PIP5K1C: variants seen among roughly 807,000 people sequenced by gnomAD.
The protein encoded by PIP5K1C is phosphatidylinositol 4-phosphate 5-kinase type-1 gamma.
A neutral mutation model predicts 80.1 loss-of-function variants in PIP5K1C; 45 were observed. The observed-to-expected ratio is 0.56, with a 90% CI of 0.44 to 0.72. The LOEUF (loss-of-function observed/expected upper bound fraction) is 0.72, where lower values mean the gene tolerates loss of function less well. PIP5K1C is among the 30% of genes least tolerant of loss of function. PIP5K1C has a pLI of 0.00. For missense variants in PIP5K1C, 753 were observed against 954.6 expected, an observed-to-expected ratio of 0.79 and a Z score of 2.78; for synonymous variants, 498 against 420.1, an observed-to-expected ratio of 1.19 and a Z score of -2.27.
rs533474929 is a variant in PIP5K1C at position 3,686,421 on chromosome 19, A to G, written c.94+13876T>C. Reference sequence around the variant, plus strand: ...GGCGACAGAGTGAGACTCTGTCTCAAAAAAATAAAAATAAAGGCTGGGTGC... The same window carrying G: ...GGCGACAGAGTGAGACTCTGTCTCAGAAAAATAAAAATAAAGGCTGGGTGC... On this transcript the variant is annotated intron_variant, in intron 1 of 17. Transcript: ENST00000335312. 4.0e-5 allele frequency among the ~76,000 whole-genome samples: 6 copies of G among 151,872 alleles called. No homozygotes were observed. The South Asian group carries it at 1.2e-3, about 32-fold the overall frequency.
intron 15 of PIP5K1C, among the ~76,000 whole-genome samples, chr19:3,639,762 G>A (rs2033886617): frequency 6.6e-6 from 1 of 152,142 alleles, no homozygotes; most frequent in East Asian, 1.9e-4. Context: ...CTTACTACAT[G>A]CCAGGGCTGG....
intron 1 of PIP5K1C, among the ~76,000 whole-genome samples, chr19:3,683,458 C>T (rs992603583): frequency 2.0e-5 from 3 of 152,220 alleles, no homozygotes; most frequent in Non-Finnish European, 1.5e-5. Flanking sequence ...CAGAGACGAG[C>T]TAGCCCACCT....
chr19:3,662,083 T>G, intron 3 of PIP5K1C, 82 bp from the exon 4 acceptor site: 2 of 1,488,894 alleles, frequency 1.3e-6, no homozygotes, highest in Non-Finnish European at 1.8e-6. Context: ...GGGGTGGAGA[T>G]CGTGACCAGC....
chr19:3,694,246 G>T (rs1335630321), intron 1 of PIP5K1C, among the ~76,000 whole-genome samples: 1 of 151,972 alleles, frequency 6.6e-6, no homozygotes, highest in Non-Finnish European at 1.5e-5. Context: ...AAAACAAAGG[G>T]AAGTCACTTG....
intron 1 of PIP5K1C, among the ~76,000 whole-genome samples, chr19:3,673,031 C>T (rs1334779272): frequency 6.7e-6 from 1 of 149,576 alleles, no homozygotes; most frequent in African/African-American, 2.5e-5. Context: ...ACCCACCCCG[C>T]CCCCACCGCA....
intron 8 of PIP5K1C, among the ~76,000 whole-genome samples, chr19:3,651,494 G>A (rs530477576): frequency 9.8e-5 from 15 of 152,322 alleles, no homozygotes; most frequent in Non-Finnish European, 1.5e-4. Flanking sequence ...CTCTCTGCAC[G>A]GGTGGCGTGT....
At chr19:3,667,919 C>A (rs2035067210) in intron 1 of PIP5K1C, among the ~76,000 whole-genome samples, 1 of 152,158 alleles carries the variant, frequency 6.6e-6, no homozygotes, top group African/African-American at 2.4e-5. Flanking sequence ...GCAGGGAGCG[C>A]CCAGCACCTG....
chr19:3,671,073 G>A (rs1209197544), intron 1 of PIP5K1C, among the ~76,000 whole-genome samples: 2 of 152,212 alleles, frequency 1.3e-5, no homozygotes, highest in Admixed American at 1.3e-4. Context: ...AAAGAAGAGA[G>A]GGCAGGAAGC....
In PIP5K1C at chr19:3,660,272, C is replaced by CG. The variant is rs34020586; in HGVS notation, c.468+693dup. Among the ~76,000 whole-genome samples the CG allele has an allele frequency of 4.8e-3, 729 of 151,990 alleles. 30 individuals carry two copies. The East Asian group carries it at 0.092, about 19-fold the overall frequency. ...GCAGGCACCTGTAGTCCCAGCTACT[C>CG]GGGAAGCTGAGGCAGGAGAATGGCG... On this transcript the variant is annotated intron_variant, in intron 5 of 17. Transcript: ENST00000335312.
Position 3,632,888 on chromosome 19 carries a change from A to C in PIP5K1C, c.*279T>G, listed in dbSNP as rs550591770. 23 of 496,810 alleles carry C rather than the reference A, an allele frequency of 4.6e-5. No individual in the cohort carries two copies. In the East Asian group the frequency reaches 7.9e-4, roughly 17 times the overall value. The allele number at this position is 496,810 out of a possible 1,614,324, so 30.8% of individuals were successfully genotyped here. On this transcript the variant is annotated 3_prime_UTR_variant, in exon 18 of 18. Transcript: ENST00000335312. The stretch of plus-strand genomic sequence containing the variant: ...TTGTTCTTTTCCTAAAACGGCACAC[A>C]CGTGCTTCCGTCTCTGTGCCAAATA...
chr19:3,652,121 T>C (rs2034474602), intron 7 of PIP5K1C, 90 bp from the exon 8 acceptor site: 3 of 1,252,922 alleles, frequency 2.4e-6, no homozygotes, highest in East Asian at 2.4e-5. Context: ...CCAGCACGGA[T>C]GGCCCCGTGG....
chr19:3,660,841 C>A, intron 5 of PIP5K1C, 125 bp downstream of exon 5: 1 of 755,432 alleles, frequency 1.3e-6, no homozygotes, highest in Non-Finnish European at 2.4e-6. Context: ...CGGCCCTGAA[C>A]CTGACCATAA....
rs975768966 is a variant in PIP5K1C, at chr19:3,655,954, C to T, written c.621+451G>A. On this transcript the variant is annotated intron_variant, in intron 6 of 17. Transcript: ENST00000335312. Reference sequence around the variant, plus strand: ...GGGTGGGCCGGATGGAGCTGCCTCACGCCTGCCTGAGCAGCTGGTCTTTTG... The same window carrying T: ...GGGTGGGCCGGATGGAGCTGCCTCATGCCTGCCTGAGCAGCTGGTCTTTTG... Among the ~76,000 whole-genome samples, 4 of 152,370 alleles carry T rather than the reference C, an allele frequency of 2.6e-5. No individual in the cohort carries two copies. In the East Asian group the frequency reaches 5.8e-4, roughly 22 times the overall value.
intron 14 of PIP5K1C, 117 bp from the exon 15 acceptor site, chr19:3,641,926 T>A: frequency 1.2e-6 from 1 of 803,358 alleles, no homozygotes; most frequent in Non-Finnish European, 2.1e-6. Context: ...GCCTCCTGAT[T>A]GGGTCTGTTC....
At chr19:3,636,840 G>C in intron 16 of PIP5K1C, 1 of 991,782 alleles carries the variant, frequency 1.0e-6, no homozygotes, top group Non-Finnish European at 1.2e-6. Flanking sequence ...GTGCTGGGCA[G>C]GTCTCTTAGG....
chr19:3,677,650 C>T (rs529277350), intron 1 of PIP5K1C, among the ~76,000 whole-genome samples: 1 of 146,150 alleles, frequency 6.8e-6, no homozygotes, highest in African/African-American at 2.6e-5. Flanking sequence ...GGTGGGGGTG[C>T]TGAGGTCTGC....
chr19:3,685,502 G>A (rs1277372031), intron 1 of PIP5K1C, among the ~76,000 whole-genome samples: 8 of 152,040 alleles, frequency 5.3e-5, no homozygotes, highest in Admixed American at 6.6e-5. Flanking sequence ...AGGCCGAGGC[G>A]GGCGGATCAC....
intron 6 of PIP5K1C, among the ~76,000 whole-genome samples, chr19:3,655,687 G>A (rs935836650): frequency 1.3e-5 from 2 of 152,162 alleles, no homozygotes; most frequent in African/African-American, 4.8e-5. Flanking sequence ...AGGAGCCCGG[G>A]CCCCTCGCTA....
At chr19:3,636,264 T>C (rs1599917747) in intron 16 of PIP5K1C, 1 of 451,362 alleles carries the variant, frequency 2.2e-6, no homozygotes. Context: ...ACAGGGGAAG[T>C]GGGGGGCAGT....
Sources: gnomAD v4.1 joint callset for allele counts (sites outside exome capture counted in the v4.1 genomes callset) on GRCh38, gnomAD v4.1.1 for gene constraint, MANE v1.5 for transcripts, NCBI Gene and HGNC (gene_info 2026-07-23, HGNC 2026-07-21) for gene names.